The following AP3S2 variants were observed in gnomAD, a reference collection of about 807,000 sequenced individuals.
AP3S2 encodes the protein adaptor related protein complex 3 subunit sigma 2, also known as AP-3 complex subunit sigma-2.
A neutral mutation model predicts 23.4 loss-of-function variants in AP3S2; 22 were observed. The ratio of observed to expected loss-of-function variants is 0.94; its 90% CI spans 0.67 to 1.34. AP3S2 has a LOEUF of 1.34. Among genes scored for constraint, AP3S2 ranks in the 40% most tolerant of loss-of-function variants. The pLI is 0.00. For missense variants in AP3S2, 241 were observed against 236.9 expected (o/e 1.02, Z -0.11); for synonymous variants, 86 against 87.1 (o/e 0.99, Z 0.07).
At chr15:89,859,138 C>T (rs962828207) in intron 4 of AP3S2, among the ~76,000 whole-genome samples, 3 of 151,632 alleles carry the variant, frequency 2.0e-5, no homozygotes, top group African/African-American at 7.3e-5. Context: ...GGATTATCGT[C>T]GTGAGCCTCC....
chr15:89,882,778 T>G (rs1361775638), intron 3 of AP3S2, among the ~76,000 whole-genome samples: 1 of 152,234 alleles, frequency 6.6e-6, no homozygotes. Flanking sequence ...TCTGTAACTA[T>G]TATACATTCT....
intron 5 of AP3S2, among the ~76,000 whole-genome samples, chr15:89,836,884 G>A (rs539732244): frequency 5.3e-5 from 8 of 152,274 alleles, no homozygotes; most frequent in South Asian, 2.1e-4. Flanking sequence ...TCCTGGTTTC[G>A]CAAGATCAAG....
At chr15:89,861,550 G>T (rs1429842951) in intron 4 of AP3S2, among the ~76,000 whole-genome samples, 1 of 152,084 alleles carries the variant, frequency 6.6e-6, no homozygotes, top group Non-Finnish European at 1.5e-5. Context: ...AAAGCAAAAG[G>T]GAACCAAGTA....
At chr15:89,891,735 C>T (rs970711587) in intron 1 of AP3S2, among the ~76,000 whole-genome samples, 2 of 151,344 alleles carry the variant, frequency 1.3e-5, no homozygotes, top group Non-Finnish European at 2.9e-5. Flanking sequence ...AAATAAATAA[C>T]GAATGGCAGG....
chr15:89,837,627 C>T lies in AP3S2; in HGVS notation c.441G>A (p.Leu147=), dbSNP rs757167564. 6.2e-7 allele frequency: 1 copy of T among 1,614,200 alleles called. No individual in the cohort carries two copies. The highest frequency in any genetic ancestry group is 1.7e-5 in the Admixed American group (1 of 60,022). Residue 147 remains leucine (L), a synonymous_variant, in exon 5 of 6, where the codon CTG becomes CTA. Coordinates refer to ENST00000336418, the MANE Select transcript of AP3S2 (RefSeq NM_005829.5). ...IVAQIEAQNR[L]EKSEGGLSAA... The stretch of plus-strand genomic sequence containing the variant: ...GCTGCTTACTCACCTCGGATTTCTC[C>T]AGCCTGTTTTGAGCCTCAATCTGAG...
intron 5 of AP3S2, among the ~76,000 whole-genome samples, chr15:89,837,131 C>G (rs1352185704): frequency 6.6e-6 from 1 of 152,160 alleles, no homozygotes; most frequent in Non-Finnish European, 1.5e-5. Flanking sequence ...AGCCCAAACT[C>G]TACTGTAGTT....
chr15:89,892,669 T>TG (rs1187631772), intron 1 of AP3S2, among the ~76,000 whole-genome samples: 42 of 120,806 alleles, frequency 3.5e-4, no homozygotes, highest in South Asian at 9.6e-4. Context: ...TATATACTTT[T>TG]TTGTGTGTGT....
chr15:89,835,358 T>G lies in AP3S2; in HGVS notation c.*157A>C. 7.6e-7 allele frequency: 1 copy of G among 1,311,498 alleles called. No homozygotes were observed. Among genetic ancestry groups the G allele is most frequent in the Non-Finnish European group, 1.0e-6 (1 of 959,776 alleles). 81.2% of individuals were successfully genotyped at this position (1,311,498 alleles called of 1,614,324 possible). A position where few individuals can be genotyped will look rare whatever the true frequency, so the allele number is the denominator to read the frequency against. ...CCGAGCAGTGTCAATAGGAATCCCT[T>G]CCCTATTCCATGCCAAACAGTCTTC... On this transcript the variant is annotated 3_prime_UTR_variant, in exon 6 of 6. Transcript: ENST00000336418.
intron 3 of AP3S2, among the ~76,000 whole-genome samples, chr15:89,873,364 A>C (rs1896365750): frequency 6.7e-6 from 1 of 149,898 alleles, no homozygotes; most frequent in South Asian, 2.1e-4. Flanking sequence ...GGCTCACTGC[A>C]GCCTCTGCCT....
In AP3S2 at chr15:89,856,520, G is replaced by T. The variant is rs193128948; in HGVS notation, c.345+14955C>A. Among the ~76,000 whole-genome samples the T allele has an allele frequency of 7.9e-5, 12 of 152,168 alleles. No individual in the cohort carries two copies. In the East Asian group the frequency reaches 2.1e-3, roughly 27 times the overall value. On this transcript the variant is annotated intron_variant, in intron 4 of 5. Coordinates refer to ENST00000336418, the MANE Select transcript of AP3S2 (RefSeq NM_005829.5). Reference sequence around the variant, plus strand: ...TCAAGACTAGCCTGGCCAAGATGGTGCAACCCCGTCTCTACTAAAAAAATA... The same window carrying T: ...TCAAGACTAGCCTGGCCAAGATGGTTCAACCCCGTCTCTACTAAAAAAATA...
rs748910921 is a variant in AP3S2 at position 89,888,519 on chromosome 15, A to G, written c.273+2T>C. On this transcript the variant is annotated splice_donor_variant, in intron 3 of 5. Coordinates refer to ENST00000336418, the MANE Select transcript of AP3S2 (RefSeq NM_005829.5). LOFTEE classifies it high-confidence loss of function. ...CTGCCATCATTAGCTGACTACACAT[A>G]CCTGGATGAGGTCCAAGATTCCAAG... 6 of 1,613,888 alleles carry G rather than the reference A, an allele frequency of 3.7e-6. No homozygotes were observed. In the African/African-American group the frequency reaches 8.0e-5, roughly 22 times the overall value.
At chr15:89,889,842 C>T (rs191093048) in intron 1 of AP3S2, among the ~76,000 whole-genome samples, 12 of 117,694 alleles carry the variant, frequency 1.0e-4, no homozygotes, top group African/African-American at 3.7e-4. Context: ...CCAGCATGGG[C>T]GACAGAGTGA....
chr15:89,836,572 A>C (rs1895196427), intron 5 of AP3S2, among the ~76,000 whole-genome samples: 1 of 152,192 alleles, frequency 6.6e-6, no homozygotes. Flanking sequence ...AAGAGTATGC[A>C]CATCTACAGT....
Position 89,876,352 on chromosome 15 carries a change from G to A in AP3S2, c.274-4806C>T, listed in dbSNP as rs138790529. ...GAGAATCACTTGAACCCAGGAGGTGGAGGTTTCAGTGAGCTGAGGTCACAC... is the reference window on the plus strand; with the variant it reads ...GAGAATCACTTGAACCCAGGAGGTGAAGGTTTCAGTGAGCTGAGGTCACAC... On this transcript the variant is annotated intron_variant, in intron 3 of 5. Coordinates refer to ENST00000336418, the MANE Select transcript of AP3S2 (RefSeq NM_005829.5). Among the ~76,000 whole-genome samples the A allele has an allele frequency of 2.2e-4, 33 of 152,118 alleles. No individual in the cohort carries two copies. The East Asian group carries it at 6.4e-3, about 29-fold the overall frequency.
intron 4 of AP3S2, among the ~76,000 whole-genome samples, chr15:89,855,225 A>G (rs1191407241): frequency 3.6e-5 from 3 of 82,662 alleles, no homozygotes; most frequent in African/African-American, 1.4e-4. Flanking sequence ...CTGTGACCTT[A>G]CCCCCAACCC....
intron 4 of AP3S2, among the ~76,000 whole-genome samples, chr15:89,847,638 G>A (rs724342): frequency 1.3e-5 from 2 of 152,062 alleles, no homozygotes; most frequent in Admixed American, 1.3e-4. Flanking sequence ...CTAATCCCAT[G>A]TCAACAGAGA....
chr15:89,837,702 C>T lies in AP3S2; in HGVS notation c.366G>A (p.Glu122=), dbSNP rs1386864709. 2 of 1,614,184 alleles carry T rather than the reference C, an allele frequency of 1.2e-6. No homozygotes were observed. The highest frequency in any genetic ancestry group is 8.5e-7 in the Non-Finnish European group (1 of 1,180,036). ...HMDKVHYILQ[E]VVMGGMVLET... ...CCAACACCATCCCACCCATCACCAC[C>T]TCCTGGAGGATGTAGTGCACCTAAA... Residue 122 remains glutamate (E), a synonymous_variant, in exon 5 of 6, where the codon GAG becomes GAA. Coordinates refer to ENST00000336418, the MANE Select transcript of AP3S2 (RefSeq NM_005829.5).
At chr15:89,880,333 G>A (rs911109124) in intron 3 of AP3S2, among the ~76,000 whole-genome samples, 4 of 152,088 alleles carry the variant, frequency 2.6e-5, no homozygotes, top group Middle Eastern at 3.4e-3. Context: ...ATCAGAGAAC[G>A]TACTGAAAAA....
intron 4 of AP3S2, among the ~76,000 whole-genome samples, chr15:89,870,491 C>G (rs1012867565): frequency 2.0e-5 from 3 of 152,194 alleles, no homozygotes; most frequent in Non-Finnish European, 4.4e-5. Flanking sequence ...TTACTCCATT[C>G]TAATGTCATC....
Sources: allele counts gnomAD v4.1 joint callset (sites outside exome capture counted in the v4.1 genomes callset), GRCh38; gene constraint gnomAD v4.1.1; transcripts MANE v1.5; gene names NCBI Gene and HGNC (gene_info 2026-07-23, HGNC 2026-07-21).